Variants in CSMD3 observed in about 807,000 individuals in gnomAD.
The protein encoded by CSMD3 is CUB and Sushi multiple domains 3.
CSMD3 carries 177 observed loss-of-function variants against 435.2 expected under a neutral mutation model. The observed-to-expected ratio is 0.41, with a 90% CI of 0.36 to 0.46. The LOEUF (loss-of-function observed/expected upper bound fraction) is 0.46, where lower values mean the gene tolerates loss of function less well. Ranked by LOEUF, CSMD3 falls within the 20% of genes least tolerant of loss-of-function variation. The probability of loss-of-function intolerance (pLI) is 0.34; values close to 1 mark genes in which losing one functional copy is unlikely to be tolerated. For missense variants in CSMD3, 4,265 were observed against 4,504.6 expected, an observed-to-expected ratio of 0.95 and a Z score of 1.52; for synonymous variants, 1,656 against 1,520.5, an observed-to-expected ratio of 1.09 and a Z score of -2.07.
intron 38 of CSMD3, among the ~76,000 whole-genome samples, chr8:112,372,063 C>A (rs942377036): frequency 3.3e-5 from 5 of 151,896 alleles, no homozygotes; most frequent in Non-Finnish European, 5.9e-5. Context: ...AAAACATGAA[C>A]ACTGATGGGA....
At chr8:113,057,141 T>C (rs1033637720) in intron 5 of CSMD3, among the ~76,000 whole-genome samples, 1 of 152,306 alleles carries the variant, frequency 6.6e-6, no homozygotes, top group South Asian at 2.1e-4. Context: ...TGTACTACAA[T>C]GTCTAACCCA....
chr8:112,528,009 A>G (rs530413322), intron 27 of CSMD3, among the ~76,000 whole-genome samples: 4 of 152,286 alleles, frequency 2.6e-5, no homozygotes, highest in Admixed American at 6.5e-5. Flanking sequence ...TCTGACCTAA[A>G]TACAAGGTCC....
chr8:112,625,745 T>C (rs752413627), intron 22 of CSMD3, among the ~76,000 whole-genome samples: 38 of 152,050 alleles, frequency 2.5e-4, no homozygotes, highest in Non-Finnish European at 4.6e-4. Flanking sequence ...GCCAGAAAAG[T>C]AGTTTGGGGG....
chr8:112,284,012 A>T (rs1420101524), intron 58 of CSMD3, among the ~76,000 whole-genome samples: 1 of 141,376 alleles, frequency 7.1e-6, no homozygotes, highest in Non-Finnish European at 1.6e-5. Context: ...TGCCCCATTA[A>T]TATGTAAAAT....
At chr8:112,348,784 T>A (rs1196205304) in intron 40 of CSMD3, among the ~76,000 whole-genome samples, 2 of 152,088 alleles carry the variant, frequency 1.3e-5, no homozygotes, top group African/African-American at 2.4e-5. Flanking sequence ...TAGTTTATAA[T>A]ATAAATGTAA....
At chr8:113,151,664 G>A (rs2091808391) in intron 4 of CSMD3, among the ~76,000 whole-genome samples, 1 of 151,852 alleles carries the variant, frequency 6.6e-6, no homozygotes, top group Non-Finnish European at 1.5e-5. Context: ...TTTTATAACC[G>A]ACATATTTTG....
chr8:113,361,504 CATA>C (rs1304167068), intron 1 of CSMD3, among the ~76,000 whole-genome samples: 1 of 151,958 alleles, frequency 6.6e-6, no homozygotes, highest in East Asian at 1.9e-4. Context: ...CTATGGTAAA[CATA>C]ATAATAATTT....
At chr8:112,419,197 A>G (rs1812220793) in intron 32 of CSMD3, among the ~76,000 whole-genome samples, 1 of 151,228 alleles carries the variant, frequency 6.6e-6, no homozygotes, top group Non-Finnish European at 1.5e-5. Flanking sequence ...ATAGCAGTAA[A>G]CATACTAACT....
chr8:112,539,349 CCAGAGTT>C, intron 27 of CSMD3: 1 of 151,964 alleles, frequency 6.6e-6, no homozygotes. Flanking sequence ...GTAAAACTTG[CCAGAGTT>C]CATTTTTTTA....
chr8:112,390,772 A>G lies in CSMD3; in HGVS notation c.5826T>C (p.Ile1942=). 6.2e-7 allele frequency: 1 copy of G among 1,613,844 alleles called. No individual in the cohort carries two copies. Among genetic ancestry groups the G allele is most frequent in the Non-Finnish European group, 8.5e-7 (1 of 1,179,752 alleles). Residue 1942 remains isoleucine (I), a synonymous_variant, in exon 36 of 71, where the codon ATT becomes ATC. Coordinates refer to ENST00000297405, the MANE Select transcript of CSMD3 (RefSeq NM_198123.2). ...AAATAGTCCCTTTGCGCTTAGTTAA[A>G]ATTCCACCACAGGGCACTGAAAATA... is the stretch of plus-strand genomic sequence containing the variant. ...LPTCIVPCGG[I]LTKRKGTILS...
intron 1 of CSMD3, among the ~76,000 whole-genome samples, chr8:113,421,674 C>T (rs1290390778): frequency 2.6e-5 from 4 of 152,122 alleles, no homozygotes; most frequent in African/African-American, 9.7e-5. Context: ...TTCTGCCCTT[C>T]CCATCCTCCT....
intron 27 of CSMD3, among the ~76,000 whole-genome samples, chr8:112,545,558 A>G (rs1827116585): frequency 6.6e-6 from 1 of 151,438 alleles, no homozygotes; most frequent in African/African-American, 2.4e-5. Context: ...TAGGGTCAGA[A>G]TGGGTGACCT....
rs749584463 is a variant in CSMD3, at chr8:112,859,269, A to G, written c.1634-3T>C. The G allele has an allele frequency of 3.1e-6, 5 of 1,610,208 alleles. No individual in the cohort carries two copies. Among genetic ancestry groups the G allele is most frequent in the Middle Eastern group, 1.7e-4 (1 of 6,044 alleles). ...AAGATTAGAGCCACACGTTTTCACT[A>G]AAAGAGAAATTGCATTTTAAAAGAT... On this transcript the variant is annotated splice_region_variant and splice_polypyrimidine_tract_variant and intron_variant, in intron 10 of 70. Transcript: ENST00000297405.
intron 32 of CSMD3, among the ~76,000 whole-genome samples, chr8:112,437,522 G>T (rs1469453839): frequency 6.6e-6 from 1 of 151,954 alleles, no homozygotes; most frequent in Non-Finnish European, 1.5e-5. Flanking sequence ...TGTCAATAAA[G>T]CATGGGAATT....
At chr8:112,827,156 T>C (rs2042403073) in intron 12 of CSMD3, among the ~76,000 whole-genome samples, 1 of 116,962 alleles carries the variant, frequency 8.5e-6, no homozygotes, top group South Asian at 2.8e-4. Context: ...TTTTACTAGG[T>C]TACCATAAAT....
intron 30 of CSMD3, among the ~76,000 whole-genome samples, chr8:112,494,707 A>G (rs1398294686): frequency 1.3e-5 from 2 of 152,072 alleles, no homozygotes; most frequent in African/African-American, 4.8e-5. Flanking sequence ...TATATTAAAT[A>G]AAGACTTGCG....
At chr8:112,648,091 G>A (rs1311430422) in intron 19 of CSMD3, among the ~76,000 whole-genome samples, 1 of 152,144 alleles carries the variant, frequency 6.6e-6, no homozygotes, top group African/African-American at 2.4e-5. Flanking sequence ...CAAGCATTAG[G>A]CAACCTAGGT....
At chr8:112,607,652 A>C (rs192538193) in intron 22 of CSMD3, among the ~76,000 whole-genome samples, 1 of 152,310 alleles carries the variant, frequency 6.6e-6, no homozygotes, top group Admixed American at 6.5e-5. Context: ...AATATGTTTC[A>C]GTTTACTGTA....
chr8:112,621,448 G>C (rs990084384), intron 22 of CSMD3, among the ~76,000 whole-genome samples: 1 of 151,790 alleles, frequency 6.6e-6, no homozygotes, highest in African/African-American at 2.4e-5. Context: ...CTTCTTCTCA[G>C]CAAAATTCCT....
Sources: gnomAD v4.1 joint callset for allele counts (sites outside exome capture counted in the v4.1 genomes callset) on GRCh38, gnomAD v4.1.1 for gene constraint, MANE v1.5 for transcripts, NCBI Gene and HGNC (gene_info 2026-07-23, HGNC 2026-07-21) for gene names.